Variants in EXOC4 observed in about 807,000 individuals in gnomAD.
EXOC4 encodes the protein exocyst complex component 4.
Under a neutral mutation model 107.2 loss-of-function variants are expected in EXOC4, and 71 were observed. That is an observed-to-expected ratio of 0.66 (90% CI 0.55 to 0.81). The LOEUF is 0.81. Among genes scored for constraint, EXOC4 ranks in the 30% least tolerant of loss-of-function variants. The pLI, the probability that EXOC4 is intolerant of heterozygous loss-of-function variation, is 0.00. For synonymous variants in EXOC4, 456 were observed against 441.2 expected, an observed-to-expected ratio of 1.03 and a Z score of -0.42; for missense variants, 1,108 against 1,189.6, an observed-to-expected ratio of 0.93 and a Z score of 1.01.
intron 1 of EXOC4, among the ~76,000 whole-genome samples, chr7:133,262,004 C>A (rs190761744): frequency 6.6e-6 from 1 of 152,300 alleles, no homozygotes; most frequent in African/African-American, 2.4e-5. Context: ...TCCATTACTG[C>A]CCTGCAGATT....
chr7:133,430,148 G>A (rs761453414), intron 7 of EXOC4, among the ~76,000 whole-genome samples: 41 of 152,118 alleles, frequency 2.7e-4, no homozygotes, highest in Non-Finnish European at 4.3e-4. Context: ...AGCGGGATGG[G>A]GAGCTGGAAA....
chr7:133,780,303 T>TA (rs35224246), intron 10 of EXOC4, among the ~76,000 whole-genome samples: 43,484 of 143,820 alleles, frequency 0.3, 6,559 homozygotes, highest in South Asian at 0.45. Context: ...TTGAAGAATC[T>TA]AAAAAAAAAA....
intron 7 of EXOC4, among the ~76,000 whole-genome samples, chr7:133,380,865 A>T (rs759210866): frequency 1.1e-4 from 16 of 152,214 alleles, no homozygotes; most frequent in Non-Finnish European, 1.9e-4. Context: ...GAGGTCTGAC[A>T]TAGAAATAAC....
At chr7:133,308,701 G>T (rs1277491132) in intron 4 of EXOC4, among the ~76,000 whole-genome samples, 1 of 152,024 alleles carries the variant, frequency 6.6e-6, no homozygotes, top group Non-Finnish European at 1.5e-5. Context: ...AGAATTTAAG[G>T]TAAAATGAAT....
At chr7:133,477,823 C>G (rs1333915939) in intron 8 of EXOC4, among the ~76,000 whole-genome samples, 3 of 152,202 alleles carry the variant, frequency 2.0e-5, no homozygotes, top group Non-Finnish European at 2.9e-5. Context: ...TGACAAAACT[C>G]TTCAGCAAGT....
At chr7:133,651,972 G>T (rs967662862) in intron 10 of EXOC4, among the ~76,000 whole-genome samples, 2 of 152,130 alleles carry the variant, frequency 1.3e-5, no homozygotes, top group African/African-American at 4.8e-5. Flanking sequence ...GAGCCACCAC[G>T]CCCTGCCGTA....
intron 10 of EXOC4, among the ~76,000 whole-genome samples, chr7:133,723,864 A>G (rs1417647751): frequency 5.3e-5 from 8 of 152,238 alleles, no homozygotes; most frequent in Non-Finnish European, 1.2e-4. Context: ...CCTGGGCTCC[A>G]ACAGTCCTCC....
chr7:134,034,924 T>C (rs1201235505), intron 17 of EXOC4, among the ~76,000 whole-genome samples: 1 of 152,168 alleles, frequency 6.6e-6, no homozygotes, highest in Non-Finnish European at 1.5e-5. Context: ...AGTATGTAAA[T>C]GTTTATCTTC....
chr7:133,614,789 C>CAAAAA (rs35947572), intron 9 of EXOC4, among the ~76,000 whole-genome samples: 2 of 61,680 alleles, frequency 3.2e-5, no homozygotes, highest in African/African-American at 6.5e-5. Flanking sequence ...GTACATATGG[C>CAAAAA]AAAAAAAAAA....
intron 6 of EXOC4, among the ~76,000 whole-genome samples, chr7:133,367,646 C>G (rs1796277160): frequency 6.6e-6 from 1 of 152,122 alleles, no homozygotes; most frequent in South Asian, 2.1e-4. Flanking sequence ...TTTTCTAACG[C>G]CCCTAAAAAG....
intron 13 of EXOC4, among the ~76,000 whole-genome samples, chr7:133,927,499 T>A (rs1800078976): frequency 6.6e-6 from 1 of 152,216 alleles, no homozygotes; most frequent in African/African-American, 2.4e-5. Flanking sequence ...TAACTATAGC[T>A]ATTGAAGAAT....
At chr7:133,297,229 G>A (rs191959770) in intron 3 of EXOC4, among the ~76,000 whole-genome samples, 55 of 152,198 alleles carry the variant, frequency 3.6e-4, no homozygotes, top group African/African-American at 1.2e-3. Context: ...TGGTCAAATC[G>A]GTTTAGTAGT....
intron 11 of EXOC4, among the ~76,000 whole-genome samples, chr7:133,836,894 T>C (rs1294492545): frequency 6.6e-6 from 1 of 152,136 alleles, no homozygotes; most frequent in African/African-American, 2.4e-5. Context: ...TAATTGCCGT[T>C]ATACTGTGGG....
chr7:134,023,482 A>G (rs1422773830), intron 17 of EXOC4, among the ~76,000 whole-genome samples: 1 of 152,048 alleles, frequency 6.6e-6, no homozygotes, highest in Non-Finnish European at 1.5e-5. Context: ...TTGAGTATTT[A>G]TTTTGTATAA....
At chr7:133,515,914 T>C (rs1225057636) in intron 9 of EXOC4, among the ~76,000 whole-genome samples, 2 of 152,216 alleles carry the variant, frequency 1.3e-5, no homozygotes, top group African/African-American at 4.8e-5. Flanking sequence ...TACAAATGTA[T>C]TGAAGAGCTT....
chr7:133,842,952 G>T (rs943069836), intron 11 of EXOC4, among the ~76,000 whole-genome samples: 2 of 152,006 alleles, frequency 1.3e-5, no homozygotes, highest in Admixed American at 6.6e-5. Flanking sequence ...GATTTTGTCA[G>T]TCAGATGGTT....
Position 133,289,034 on chromosome 7 carries a change from A to C in EXOC4, c.389A>C (p.Glu130Ala). The change falls in exon 3 of 18, where the codon GAA becomes GCA. Residue 130 changes from glutamate to alanine, a missense_variant. By Grantham distance (107) the Glu-to-Ala change is moderately radical. Transcript: ENST00000253861. ...EHKHVLNLLD[E>A]IENIKQVPQK... ...AAGCATGTCCTGAACTTGTTGGATG[A>C]AATTGAGAATATCAAGCAAGTGCCT... 6.2e-7 allele frequency: 1 copy of C among 1,614,218 alleles called. No homozygotes were observed. Among genetic ancestry groups the C allele is most frequent in the Non-Finnish European group, 8.5e-7 (1 of 1,180,002 alleles).
At chr7:133,714,139 T>G (rs1794952487) in intron 10 of EXOC4, among the ~76,000 whole-genome samples, 1 of 152,076 alleles carries the variant, frequency 6.6e-6, no homozygotes, top group Non-Finnish European at 1.5e-5. Context: ...GAGTTTTTTC[T>G]GCAAAAAACT....
chr7:133,672,582 C>G (rs1190011603), intron 10 of EXOC4, among the ~76,000 whole-genome samples: 1 of 151,926 alleles, frequency 6.6e-6, no homozygotes, highest in Non-Finnish European at 1.5e-5. Flanking sequence ...GATAAGTCCA[C>G]CTGGGGGAAG....
Sources: allele counts gnomAD v4.1 joint callset (sites outside exome capture counted in the v4.1 genomes callset), GRCh38; gene constraint gnomAD v4.1.1; transcripts MANE v1.5; gene names NCBI Gene and HGNC (gene_info 2026-07-23, HGNC 2026-07-21).